The following TRIOBP variants were observed in gnomAD, a reference collection of about 807,000 sequenced individuals.
TRIOBP encodes TRIO and F-actin-binding protein.
In TRIOBP, 169 loss-of-function variants were observed where a neutral mutation model predicts 238.8. The ratio of observed to expected loss-of-function variants is 0.71; its 90% CI spans 0.62 to 0.80. TRIOBP has a LOEUF of 0.80. Among genes scored for constraint, TRIOBP ranks in the 30% least tolerant of loss-of-function variants. The probability of loss-of-function intolerance (pLI) is 0.00; values close to 1 mark genes in which losing one functional copy is unlikely to be tolerated. For synonymous variants in TRIOBP, 1,150 were observed against 1,274.4 expected, an observed-to-expected ratio of 0.90 and a Z score of 2.08; for missense variants, 2,838 against 3,122.6, an observed-to-expected ratio of 0.91 and a Z score of 2.17.
rs769430587 is a variant in TRIOBP, at chr22:37,735,358, G to A, written c.5022G>A (p.Ala1674=). 3.0e-5 allele frequency: 48 copies of A among 1,612,568 alleles called. No individual in the cohort carries two copies. The highest frequency in any genetic ancestry group is 3.7e-5 in the Non-Finnish European group (44 of 1,179,652). The change falls in exon 9 of 24, where the codon GCG becomes GCA. Residue 1674 remains alanine, a synonymous_variant. Coordinates refer to ENST00000644935, the MANE Select transcript of TRIOBP (RefSeq NM_001039141.3). ...AGATCAAAGTGACAAGAGGACCAGC[G>A]ACCGCAACTCTGGCAGGCCTGGAGC... is the stretch of plus-strand genomic sequence containing the variant. ...WPKIKVTRGP[A]TATLAGLEQT... is the part of the protein sequence containing the mutation.
rs768009598 is a variant in TRIOBP at position 37,734,404 on chromosome 22, C to T, written c.4068C>T (p.Thr1356=). ...QSSPAPSRQV[T]MLPAKQAELT... Reference sequence around the variant, plus strand: ...CCCCCTCACCTCATCCCCAGGTGACCATGCTCCCTGCCAAACAGGCAGAAC... The same window carrying T: ...CCCCCTCACCTCATCCCCAGGTGACTATGCTCCCTGCCAAACAGGCAGAAC... Residue 1356 remains threonine (T), a synonymous_variant, in exon 9 of 24, where the codon ACC becomes ACT. Transcript: ENST00000644935. 3.1e-6 allele frequency: 5 copies of T among 1,612,860 alleles called. No homozygotes were observed. The African/African-American group carries it at 4.0e-5, about 13-fold the overall frequency.
intron 7 of TRIOBP, among the ~76,000 whole-genome samples, chr22:37,729,776 A>C (rs1198954535): frequency 6.6e-6 from 1 of 152,206 alleles, no homozygotes; most frequent in Non-Finnish European, 1.5e-5. Context: ...ATTTTACTGA[A>C]TAATTAAAAT....
At chr22:37,718,148 A>G (rs1341845457) in intron 6 of TRIOBP, among the ~76,000 whole-genome samples, 1 of 152,138 alleles carries the variant, frequency 6.6e-6, no homozygotes, top group Non-Finnish European at 1.5e-5. Context: ...GGGGCCCACC[A>G]AGCCCACGCC....
At chr22:37,767,285 ACAGAGTGAGACT>A (rs1926549646) in intron 18 of TRIOBP, among the ~76,000 whole-genome samples, 2 of 108,458 alleles carry the variant, frequency 1.8e-5, no homozygotes, top group Non-Finnish European at 4.3e-5. Flanking sequence ...CTCCTGGGTG[ACAGAGTGAGACT>A]CTGTCTCAAA....
intron 17 of TRIOBP, chr22:37,759,745 AGGACAGCG>A: frequency 1.4e-6 from 2 of 1,434,124 alleles, no homozygotes; most frequent in East Asian, 5.2e-5. Flanking sequence ...CCGTCCGCCT[AGGACAGCG>A]GTTCTCAACG....
Position 37,759,466 on chromosome 22 carries a change from C to CT in TRIOBP, c.6324+203dup. 1 of 1,543,080 alleles carries CT rather than the reference C, an allele frequency of 6.5e-7. No homozygotes were observed. On this transcript the variant is annotated intron_variant, in intron 17 of 23. Coordinates refer to ENST00000644935, the MANE Select transcript of TRIOBP (RefSeq NM_001039141.3). ...GTTTTACAGACAAGGCCACTGAGCT[C>CT]TGAGAGGTTATGTGACTTGCCCAAG...
In TRIOBP at chr22:37,737,815, C is replaced by T. The variant is rs558864947; in HGVS notation, c.5107-827C>T. ...TGCTCTTCCCTGTTCAGCCACCAAACGCCTGTTCATTGTCGAAGTCTTAGG... is the reference window on the plus strand; with the variant it reads ...TGCTCTTCCCTGTTCAGCCACCAAATGCCTGTTCATTGTCGAAGTCTTAGG... On this transcript the variant is annotated intron_variant, in intron 9 of 23. Transcript: ENST00000644935. Among the ~76,000 whole-genome samples, 4 of 152,344 alleles carry T rather than the reference C, an allele frequency of 2.6e-5. No individual in the cohort carries two copies. In the East Asian group the frequency reaches 5.8e-4, roughly 22 times the overall value.
intron 18 of TRIOBP, among the ~76,000 whole-genome samples, 194 bp downstream of exon 18, chr22:37,766,011 G>T (rs1033334353): frequency 1.3e-5 from 2 of 152,174 alleles, no homozygotes; most frequent in Non-Finnish European, 2.9e-5. Context: ...AACTGAGGCA[G>T]TAAAAGATAC....
chr22:37,763,945 T>C (rs1378983348), intron 17 of TRIOBP, among the ~76,000 whole-genome samples: 1 of 152,228 alleles, frequency 6.6e-6, no homozygotes, highest in African/African-American at 2.4e-5. Flanking sequence ...CCGCGTCCCT[T>C]GGCTCTCGGC....
intron 9 of TRIOBP, among the ~76,000 whole-genome samples, chr22:37,737,522 G>C (rs13057056): frequency 6.6e-6 from 1 of 151,946 alleles, no homozygotes; most frequent in Non-Finnish European, 1.5e-5. Flanking sequence ...TTAGCCGGGC[G>C]TGGTGGCGGG....
rs1357204025 is a variant in TRIOBP, at chr22:37,759,171, C to T, written c.6231C>T (p.Ala2077=). 2 of 1,612,672 alleles carry T rather than the reference C, an allele frequency of 1.2e-6. No individual in the cohort carries two copies. The highest frequency in any genetic ancestry group is 1.7e-6 in the Non-Finnish European group (2 of 1,179,844). The change falls in exon 17 of 24, where the codon GCC becomes GCT. Residue 2077 remains alanine, a synonymous_variant. Coordinates refer to ENST00000644935, the MANE Select transcript of TRIOBP (RefSeq NM_001039141.3). The stretch of plus-strand genomic sequence containing the variant: ...CCTCGTAGGTTCAGGCTCTTCGGGC[C>T]CAGCTGGAGGCGTGGCGTCTCCAAG... ...ALEKEVQALR[A]QLEAWRLQGE...
intron 4 of TRIOBP, among the ~76,000 whole-genome samples, chr22:37,711,439 C>T (rs1414823112): frequency 4.0e-5 from 6 of 151,812 alleles, no homozygotes; most frequent in African/African-American, 1.5e-4. Flanking sequence ...ATTAGCCAGG[C>T]ATGGTGGCAG....
At chr22:37,746,112 C>T (rs1295881835) in intron 11 of TRIOBP, 13 of 894,972 alleles carry the variant, frequency 1.5e-5, no homozygotes, top group Non-Finnish European at 1.7e-5. Flanking sequence ...AGGTCCCGCC[C>T]CCGGCCCGTC....
At chr22:37,712,276 C>T (rs1280955900) in intron 4 of TRIOBP, among the ~76,000 whole-genome samples, 1 of 151,798 alleles carries the variant, frequency 6.6e-6, no homozygotes, top group African/African-American at 2.4e-5. Context: ...CAACCTCAGC[C>T]TCCCGAGTAG....
rs1757030493 is a variant in TRIOBP, at chr22:37,776,546, G to A, written c.*2766G>A. ...TCAGTAGTAGAATGAATAAATTGTG[G>A]TCGATTCATACGTTAGAATACAGCA... On this transcript the variant is annotated 3_prime_UTR_variant, in exon 24 of 24. Transcript: ENST00000644935. The A allele has an allele frequency of 6.6e-6, 1 of 152,160 alleles. No individual in the cohort carries two copies. Among genetic ancestry groups the A allele is most frequent in the Non-Finnish European group, 1.5e-5 (1 of 68,034 alleles). The allele number at this position is 152,160 out of a possible 1,614,324, so 9.4% of individuals were successfully genotyped here. A position where few individuals can be genotyped will look rare whatever the true frequency, so the allele number is the denominator to read the frequency against.
rs367687004 is a variant in TRIOBP at position 37,719,989 on chromosome 22, C to CACACTGCACTCACTGTTTCACTCATT, written c.629-3196_629-3195insACACTGCACTCACTGTTTCACTCATT. 9.8e-5 allele frequency among the ~76,000 whole-genome samples: 7 copies of CACACTGCACTCACTGTTTCACTCATT among 71,200 alleles called. 2 individuals carry two copies. Among genetic ancestry groups the CACACTGCACTCACTGTTTCACTCATT allele is most frequent in the Non-Finnish European group, 1.3e-4 (5 of 39,502 alleles). The allele number at this position is 71,200 out of a possible 152,430, so 46.7% of individuals were successfully genotyped here. On this transcript the variant is annotated intron_variant, in intron 6 of 23. Transcript: ENST00000644935. ...ACACTGCACTCACTGTTTCACTCAT[C>CACACTGCACTCACTGTTTCACTCATT]CCCCCCCGCCCTTTTTTTTTTTTTT...
At chr22:37,712,809 T>C (rs1923320137) in intron 4 of TRIOBP, among the ~76,000 whole-genome samples, 2 of 151,310 alleles carry the variant, frequency 1.3e-5, no homozygotes, top group Non-Finnish European at 3.0e-5. Context: ...TACAAAAAAT[T>C]AGCCAGGCGT....
chr22:37,743,804 T>C (rs1046711736), intron 11 of TRIOBP, among the ~76,000 whole-genome samples: 2 of 46,872 alleles, frequency 4.3e-5, no homozygotes, highest in Non-Finnish European at 8.1e-5. Context: ...AGAGAGAATG[T>C]GTGTGTGTGT....
At chr22:37,718,236 T>C (rs1482255887) in intron 6 of TRIOBP, among the ~76,000 whole-genome samples, 2 of 152,286 alleles carry the variant, frequency 1.3e-5, no homozygotes, top group East Asian at 3.9e-4. Context: ...CACACCTCCG[T>C]GCAAGCTGAG....
Sources: gnomAD v4.1 joint callset for allele counts (sites outside exome capture counted in the v4.1 genomes callset) on GRCh38, gnomAD v4.1.1 for gene constraint, MANE v1.5 for transcripts, NCBI Gene and HGNC (gene_info 2026-07-23, HGNC 2026-07-21) for gene names.